Variants in DPP10 observed in about 807,000 individuals in gnomAD.
The protein encoded by DPP10 is dipeptidyl peptidase like 10.
Under a neutral mutation model 120.9 loss-of-function variants are expected in DPP10, and 33 were observed. The observed-to-expected ratio is 0.27, with a 90% confidence interval of 0.21 to 0.37. The LOEUF is 0.37. Ranked by LOEUF, DPP10 falls within the 10% of genes least tolerant of loss-of-function variation. The pLI is 1.00. For missense variants in DPP10, 816 were observed against 942.8 expected, an observed-to-expected ratio of 0.87 and a Z score of 1.76; for synonymous variants, 337 against 326.1, an observed-to-expected ratio of 1.03 and a Z score of -0.36.
intron 1 of DPP10, among the ~76,000 whole-genome samples, chr2:115,174,888 G>T (rs894618842): frequency 2.0e-5 from 3 of 152,202 alleles, no homozygotes; most frequent in African/African-American, 7.2e-5. Context: ...AACATTGCTT[G>T]TCGGGTTTGT....
chr2:115,164,131 C>T (rs1342002840), intron 1 of DPP10, among the ~76,000 whole-genome samples: 1 of 151,912 alleles, frequency 6.6e-6, no homozygotes, highest in Non-Finnish European at 1.5e-5. Context: ...TGCATGTGTT[C>T]TAATAGATTG....
intron 1 of DPP10, among the ~76,000 whole-genome samples, chr2:115,140,140 AATAAC>A (rs2050848996): frequency 6.6e-6 from 1 of 152,248 alleles, no homozygotes; most frequent in Non-Finnish European, 1.5e-5. Context: ...ATTTTATAAA[AATAAC>A]AAAACAGGGT....
chr2:115,749,911 C>A, intron 10 of DPP10: 1 of 851,038 alleles, frequency 1.2e-6, no homozygotes, highest in Non-Finnish European at 1.4e-6. Context: ...ATTAGATCTT[C>A]TGTGCCAGAC....
intron 1 of DPP10, among the ~76,000 whole-genome samples, chr2:115,277,147 T>C (rs2059952586): frequency 6.6e-6 from 1 of 152,154 alleles, no homozygotes; most frequent in Non-Finnish European, 1.5e-5. Context: ...AGAAATAACA[T>C]TTCCATTGTT....
intron 21 of DPP10, 30 bp from the exon 22 acceptor site, chr2:115,836,119 GATATATAT>G (rs34212292): frequency 1.4e-4 from 100 of 730,976 alleles, no homozygotes; most frequent in South Asian, 3.8e-4. Context: ...GTGTGTGTGA[GATATATAT>G]ATATATATAT....
At chr2:114,812,956 G>T (rs935808594) in intron 1 of DPP10, among the ~76,000 whole-genome samples, 1 of 152,126 alleles carries the variant, frequency 6.6e-6, no homozygotes, top group African/African-American at 2.4e-5. Flanking sequence ...TTTAAGATGC[G>T]ATGGTTTCCC....
chr2:115,387,383 T>G (rs912532305), intron 3 of DPP10, among the ~76,000 whole-genome samples: 1 of 152,200 alleles, frequency 6.6e-6, no homozygotes, highest in South Asian at 2.1e-4. Flanking sequence ...TGAAAAGAAA[T>G]TACAGAGATT....
In DPP10 at chr2:115,417,348, A is replaced by G. The variant is rs145502027; in HGVS notation, c.271+73436A>G. 4.1e-4 allele frequency among the ~76,000 whole-genome samples: 63 copies of G among 152,260 alleles called. 1 individual carries two copies. The East Asian group carries it at 0.01, about 25-fold the overall frequency. On this transcript the variant is annotated intron_variant, in intron 3 of 25. Coordinates refer to ENST00000410059, the MANE Select transcript of DPP10 (RefSeq NM_020868.6). Reference sequence around the variant, plus strand: ...AATGATGTCGACTTCTTTCTAAAGGATATTGTTACTGGAGGGATGAGGAAA... The same window carrying G: ...AATGATGTCGACTTCTTTCTAAAGGGTATTGTTACTGGAGGGATGAGGAAA...
intron 1 of DPP10, among the ~76,000 whole-genome samples, chr2:115,063,975 G>A (rs746150163): frequency 1.3e-5 from 2 of 151,666 alleles, no homozygotes; most frequent in Non-Finnish European, 2.9e-5. Flanking sequence ...TATTACAATG[G>A]GTTTCACAGT....
chr2:115,402,854 A>AATATATATATATATATATAT (rs757052503), intron 3 of DPP10, among the ~76,000 whole-genome samples: 4 of 97,668 alleles, frequency 4.1e-5, no homozygotes, highest in Non-Finnish European at 7.8e-5. Context: ...AAAAAAAAAA[A>AATATATATATATATATATAT]ATATATATAT....
chr2:115,095,369 G>A (rs963341630), intron 1 of DPP10, among the ~76,000 whole-genome samples: 22 of 152,246 alleles, frequency 1.4e-4, no homozygotes, highest in African/African-American at 5.1e-4. Context: ...AAGGTCATAT[G>A]CAGATGGGCT....
At chr2:115,436,471 T>C (rs2071505478) in intron 3 of DPP10, among the ~76,000 whole-genome samples, 2 of 151,948 alleles carry the variant, frequency 1.3e-5, no homozygotes, top group African/African-American at 4.8e-5. Flanking sequence ...ATGACATAAT[T>C]TAAAGATTAA....
Position 115,526,540 on chromosome 2 carries a change from A to C in DPP10, c.441+568A>C, listed in dbSNP as rs147832606. 2.6e-5 allele frequency among the ~76,000 whole-genome samples: 4 copies of C among 152,260 alleles called. No individual in the cohort carries two copies. The East Asian group carries it at 7.7e-4, about 29-fold the overall frequency. ...GTTTCCTTATTCCATGTGAGCCCTA[A>C]AGCACAATTAGAGCAATATGTATGG... On this transcript the variant is annotated intron_variant, in intron 5 of 25. Transcript: ENST00000410059.
chr2:115,710,859 T>G (rs140997712), intron 7 of DPP10, among the ~76,000 whole-genome samples: 1 of 152,224 alleles, frequency 6.6e-6, no homozygotes, highest in Non-Finnish European at 1.5e-5. Context: ...GTAGCCTGTG[T>G]TACTCCCAAA....
At chr2:115,537,655 C>G (rs2078937392) in intron 5 of DPP10, among the ~76,000 whole-genome samples, 1 of 143,534 alleles carries the variant, frequency 7.0e-6, no homozygotes, top group Non-Finnish European at 1.5e-5. Context: ...TACTATGATA[C>G]TAAGTAAAAA....
intron 4 of DPP10, among the ~76,000 whole-genome samples, chr2:115,525,196 C>T (rs1205900834): frequency 6.6e-6 from 1 of 152,074 alleles, no homozygotes; most frequent in Admixed American, 6.6e-5. Flanking sequence ...ACTCAATGTG[C>T]TTGCCCTCTC....
chr2:114,574,113 G>T (rs1689866256), intron 1 of DPP10, among the ~76,000 whole-genome samples: 1 of 152,130 alleles, frequency 6.6e-6, no homozygotes, highest in African/African-American at 2.4e-5. Flanking sequence ...GAAAGACTCA[G>T]GACATTTCTG....
At chr2:114,750,840 T>C (rs1353307876) in intron 1 of DPP10, among the ~76,000 whole-genome samples, 3 of 152,344 alleles carry the variant, frequency 2.0e-5, no homozygotes, top group Non-Finnish European at 2.9e-5. Context: ...CCCCTCAGCA[T>C]TGGTGGCCTA....
At chr2:115,762,715 A>G in intron 12 of DPP10, 105 bp downstream of exon 12, 1 of 1,286,740 alleles carries the variant, frequency 7.8e-7, no homozygotes, top group African/African-American at 1.5e-5. Flanking sequence ...AGGCTTTGCT[A>G]GGTTTGACAG....
Sources: gnomAD v4.1 joint callset for allele counts (sites outside exome capture counted in the v4.1 genomes callset) on GRCh38, gnomAD v4.1.1 for gene constraint, MANE v1.5 for transcripts, NCBI Gene and HGNC (gene_info 2026-07-23, HGNC 2026-07-21) for gene names.